The following CABLES1 variants were observed in gnomAD, a reference collection of about 807,000 sequenced individuals.
The protein encoded by CABLES1 is CDK5 and ABL1 enzyme substrate 1.
In CABLES1, 36 loss-of-function variants were observed where a neutral mutation model predicts 57.8. The observed-to-expected ratio is 0.62, with a 90% CI of 0.48 to 0.82. The LOEUF (loss-of-function observed/expected upper bound fraction) is 0.82, where lower values mean the gene tolerates loss of function less well. Ranked by LOEUF, CABLES1 falls within the 40% of genes least tolerant of loss-of-function variation. CABLES1 has a pLI of 0.00. For missense variants in CABLES1, 767 were observed against 836.6 expected (o/e 0.92, Z 1.03); for synonymous variants, 374 against 363.0 (o/e 1.03, Z -0.35).
chr18:23,191,037 A>G (rs1046280972), intron 2 of CABLES1, among the ~76,000 whole-genome samples: 2 of 143,334 alleles, frequency 1.4e-5, no homozygotes, highest in African/African-American at 5.2e-5. Flanking sequence ...TGAGGTTAGG[A>G]GTTTGAGATC....
chr18:23,194,828 C>T (rs2047270457), intron 3 of CABLES1, among the ~76,000 whole-genome samples: 1 of 152,178 alleles, frequency 6.6e-6, no homozygotes, highest in South Asian at 2.1e-4. Flanking sequence ...AACCTTTGAA[C>T]AGAAAAACAG....
intron 1 of CABLES1, among the ~76,000 whole-genome samples, chr18:23,147,264 A>T (rs957736213): frequency 6.6e-6 from 1 of 152,230 alleles, no homozygotes; most frequent in African/African-American, 2.4e-5. Flanking sequence ...TGAGCAGAAG[A>T]GTGGAAAGAC....
intron 1 of CABLES1, among the ~76,000 whole-genome samples, chr18:23,185,608 T>C (rs1314360120): frequency 6.6e-6 from 1 of 152,094 alleles, no homozygotes; most frequent in East Asian, 1.9e-4. Flanking sequence ...TCCCCAGGGC[T>C]CCTTAGGGTA....
chr18:23,144,164 C>T (rs1313311794), intron 1 of CABLES1, among the ~76,000 whole-genome samples: 1 of 152,224 alleles, frequency 6.6e-6, no homozygotes, highest in Non-Finnish European at 1.5e-5. Context: ...GGGCCTCTTC[C>T]TTCCCTGTGG....
chr18:23,192,380 C>T (rs1247232904), intron 2 of CABLES1, among the ~76,000 whole-genome samples: 1 of 152,186 alleles, frequency 6.6e-6, no homozygotes, highest in Non-Finnish European at 1.5e-5. Flanking sequence ...CACCTGTGGC[C>T]CTTTTGTGGC....
In CABLES1 at chr18:23,135,626, G is replaced by T; in HGVS notation, c.-137G>T. The T allele has an allele frequency of 1.4e-6, 1 of 696,542 alleles. No homozygotes were observed. The allele number at this position is 696,542 out of a possible 1,614,324, so 43.1% of individuals were successfully genotyped here. A position where few individuals can be genotyped will look rare whatever the true frequency, so the allele number is the denominator to read the frequency against. Reference sequence around the variant, plus strand: ...GGGCGAGCATGGCCCGCCCGCGGGGGGGCTGGACCGCCGCGCACGCCGCCC... The same window carrying T: ...GGGCGAGCATGGCCCGCCCGCGGGGTGGCTGGACCGCCGCGCACGCCGCCC... On this transcript the variant is annotated 5_prime_UTR_variant, in exon 1 of 10. Coordinates refer to ENST00000256925, the MANE Select transcript of CABLES1 (RefSeq NM_001100619.3).
At chr18:23,176,697 T>C (rs540196897) in intron 1 of CABLES1, among the ~76,000 whole-genome samples, 1 of 152,276 alleles carries the variant, frequency 6.6e-6, no homozygotes, top group East Asian at 1.9e-4. Flanking sequence ...TAAACCACTA[T>C]TGAGTGTGGG....
At chr18:23,159,320 G>T (rs2046986861) in intron 1 of CABLES1, among the ~76,000 whole-genome samples, 2 of 152,170 alleles carry the variant, frequency 1.3e-5, no homozygotes, top group South Asian at 4.1e-4. Context: ...CGGTTGTTCT[G>T]TTACTTTCTT....
At chr18:23,178,178 A>G (rs1048806378) in intron 1 of CABLES1, among the ~76,000 whole-genome samples, 5 of 150,030 alleles carry the variant, frequency 3.3e-5, no homozygotes, top group African/African-American at 1.2e-4. Flanking sequence ...AAAGCGGTTT[A>G]TCTCATCAGC....
intron 1 of CABLES1, among the ~76,000 whole-genome samples, chr18:23,187,047 C>A (rs957348216): frequency 6.6e-6 from 1 of 152,208 alleles, no homozygotes; most frequent in African/African-American, 2.4e-5. Flanking sequence ...CAAGCTCTGT[C>A]CCCTGAGTTA....
chr18:23,252,632 C>T (rs563174804), intron 7 of CABLES1, among the ~76,000 whole-genome samples: 14 of 152,288 alleles, frequency 9.2e-5, no homozygotes, highest in African/African-American at 2.9e-4. Context: ...AAGCCCCACG[C>T]GCTTAAGCCC....
chr18:23,230,712 C>G (rs539357872), intron 4 of CABLES1, among the ~76,000 whole-genome samples: 48 of 152,280 alleles, frequency 3.2e-4, no homozygotes, highest in African/African-American at 9.1e-4. Flanking sequence ...TGTAAACCCC[C>G]CTTCTACAAG....
chr18:23,152,486 ATT>A (rs67308509), intron 1 of CABLES1, among the ~76,000 whole-genome samples: 3 of 134,834 alleles, frequency 2.2e-5, no homozygotes, highest in African/African-American at 5.6e-5. Context: ...GTTTGGTCTA[ATT>A]TTTTTTTTTT....
intron 7 of CABLES1, among the ~76,000 whole-genome samples, chr18:23,245,503 C>CAAA (rs914289893): frequency 3.2e-5 from 3 of 94,570 alleles, no homozygotes; most frequent in Admixed American, 1.2e-4. Flanking sequence ...CATCCTGTCT[C>CAAA]AAAAAAAAAA....
chr18:23,154,625 A>G (rs2046953939), intron 1 of CABLES1, among the ~76,000 whole-genome samples: 1 of 152,118 alleles, frequency 6.6e-6, no homozygotes, highest in Non-Finnish European at 1.5e-5. Context: ...TATCCCATAT[A>G]CTCTGTTGGT....
chr18:23,174,192 T>A (rs1289134570), intron 1 of CABLES1, among the ~76,000 whole-genome samples: 1 of 152,198 alleles, frequency 6.6e-6, no homozygotes, highest in African/African-American at 2.4e-5. Context: ...ACATTTCATA[T>A]AAGTAGAATC....
intron 1 of CABLES1, among the ~76,000 whole-genome samples, chr18:23,152,553 C>T (rs149913499): frequency 0.029 from 4,158 of 144,624 alleles, 201 homozygotes; most frequent in African/African-American, 0.1. Flanking sequence ...GGCAAGATCT[C>T]GGCTCACTGC....
chr18:23,249,832 G>A (rs1376305844), intron 7 of CABLES1, among the ~76,000 whole-genome samples: 2 of 152,116 alleles, frequency 1.3e-5, no homozygotes, highest in African/African-American at 2.4e-5. Flanking sequence ...GAGCTACTCT[G>A]TGCTGCTTAT....
intron 1 of CABLES1, among the ~76,000 whole-genome samples, chr18:23,143,604 A>G (rs1201773972): frequency 1.3e-5 from 2 of 152,254 alleles, no homozygotes; most frequent in Admixed American, 6.5e-5. Context: ...TTGTGCTACA[A>G]GGACAGAATC....
Sources: gnomAD v4.1 joint callset for allele counts (sites outside exome capture counted in the v4.1 genomes callset) on GRCh38, gnomAD v4.1.1 for gene constraint, MANE v1.5 for transcripts, NCBI Gene and HGNC (gene_info 2026-07-23, HGNC 2026-07-21) for gene names.